The following BTAF1 variants were observed in gnomAD, a reference collection of about 807,000 sequenced individuals.
The protein encoded by BTAF1 is B-TFIID TATA-box binding protein associated factor 1, also known as TATA-binding protein-associated factor 172.
Under a neutral mutation model 227.1 loss-of-function variants are expected in BTAF1, and 38 were observed. The ratio of observed to expected loss-of-function variants is 0.17; its 90% confidence interval spans 0.13 to 0.22. The LOEUF (loss-of-function observed/expected upper bound fraction) is 0.22, where lower values mean the gene tolerates loss of function less well. BTAF1 is among the 10% of genes least tolerant of loss of function. The pLI is 1.00. For missense variants in BTAF1, 1,598 were observed against 2,204.0 expected, an observed-to-expected ratio of 0.73 and a Z score of 5.51; for synonymous variants, 742 against 751.9, an observed-to-expected ratio of 0.99 and a Z score of 0.21.
intron 4 of BTAF1, among the ~76,000 whole-genome samples, chr10:91,944,781 T>C (rs1845247652): frequency 1.3e-5 from 2 of 152,200 alleles, no homozygotes; most frequent in Non-Finnish European, 1.5e-5. Context: ...TAGATTTGCT[T>C]ATTCTCAACA....
At chr10:91,994,068 CT>C (rs1848983548) in intron 22 of BTAF1, among the ~76,000 whole-genome samples, 2 of 152,248 alleles carry the variant, frequency 1.3e-5, no homozygotes, top group African/African-American at 2.4e-5. Context: ...AATCCCAGCA[CT>C]TTGGGAGGCC....
chr10:91,972,274 C>T (rs999931190), intron 14 of BTAF1, among the ~76,000 whole-genome samples: 2 of 152,116 alleles, frequency 1.3e-5, no homozygotes, highest in Non-Finnish European at 2.9e-5. Flanking sequence ...ACTCTGGAGT[C>T]AAGAACATTT....
Position 91,959,790 on chromosome 10 carries a change from T to G in BTAF1, c.996T>G (p.Ile332Met). 22 of 1,507,918 alleles carry G rather than the reference T, an allele frequency of 1.5e-5. No individual in the cohort carries two copies. The highest frequency in any genetic ancestry group is 2.0e-5 in the Non-Finnish European group (22 of 1,112,042). 93.4% of individuals were successfully genotyped at this position (1,507,918 alleles called of 1,614,324 possible). A position where few individuals can be genotyped will look rare whatever the true frequency, so the allele number is the denominator to read the frequency against. ...TATATATTATATTTTAACAGATGAT[T>G]CAGCAGCATCAAGAGTGGTTGGAAG... is the stretch of plus-strand genomic sequence containing the variant. ...KMGDSTLEEM[I>M]QQHQEWLEDL... The change falls in exon 10 of 38, where the codon ATT (isoleucine) becomes ATG (methionine). Residue 332 changes from isoleucine (I) to methionine (M), a missense_variant. By Grantham distance (10) the Ile-to-Met change is conservative (BLOSUM62 1). Around this residue, in one of 10 missense-constraint regions of BTAF1, gnomAD observed 298 missense variants for 395.2 expected, o/e 0.75. Transcript: ENST00000265990.
intron 25 of BTAF1, among the ~76,000 whole-genome samples, chr10:92,005,662 C>A (rs1019353544): frequency 2.0e-5 from 3 of 152,058 alleles, no homozygotes; most frequent in African/African-American, 4.8e-5. Context: ...TTGAAGACAC[C>A]AAAGAGCTGT....
chr10:91,963,622 CTTA>C (rs1846680842), intron 12 of BTAF1, among the ~76,000 whole-genome samples: 2 of 152,174 alleles, frequency 1.3e-5, no homozygotes, highest in South Asian at 2.1e-4. Context: ...GACTTTCCAC[CTTA>C]TTATCAAAAT....
chr10:91,953,913 G>A, intron 6 of BTAF1, 40 bp downstream of exon 6: 5 of 1,605,988 alleles, frequency 3.1e-6, no homozygotes, highest in Non-Finnish European at 4.2e-6. Flanking sequence ...AAACAAGAGG[G>A]CTCTGTGGCT....
intron 25 of BTAF1, among the ~76,000 whole-genome samples, chr10:92,002,028 A>G (rs1469512394): frequency 1.3e-5 from 2 of 150,256 alleles, no homozygotes; most frequent in Non-Finnish European, 3.0e-5. Flanking sequence ...CATATATTCA[A>G]GGTAGAGGAG....
At position 92,024,744 on chromosome 10, in the gene BTAF1, T is replaced by C. The variant is rs146914700; in HGVS notation, c.4864-12T>C. 9.5e-5 allele frequency: 150 copies of C among 1,578,136 alleles called. 1 individual carries two copies. The African/African-American group carries it at 1.9e-3, about 20-fold the overall frequency. On this transcript the variant is annotated splice_polypyrimidine_tract_variant and intron_variant, in intron 34 of 37. Coordinates refer to ENST00000265990, the MANE Select transcript of BTAF1 (RefSeq NM_003972.3). ...GAACGCTTATGTAGTTTTTTTTTTT[T>C]TTCTTCCTAAGTTGCTGTTGGACTG...
rs141490858 is a variant in BTAF1 at position 91,994,562 on chromosome 10, A to T, written c.3227A>T (p.Asp1076Val). The stretch of plus-strand genomic sequence containing the variant: ...GGAAAATCCCTCCTGGATAAGGGAG[A>T]TAGCCCTGCTCAAGAATTGGTGAAT... ...FDGKSLLDKG[D>V]SPAQELVNSL... The change falls in exon 23 of 38, where the codon GAT (aspartate) becomes GTT (valine). Residue 1076 changes from aspartate (D) to valine (V), a missense_variant. Asp to Val is a radical substitution (Grantham distance 152). Coordinates refer to ENST00000265990, the MANE Select transcript of BTAF1 (RefSeq NM_003972.3). 3.1e-6 allele frequency: 5 copies of T among 1,613,668 alleles called. No homozygotes were observed. The African/African-American group carries it at 5.3e-5, about 17-fold the overall frequency.
chr10:91,925,169 T>A (rs889498268), intron 1 of BTAF1, among the ~76,000 whole-genome samples: 1 of 152,196 alleles, frequency 6.6e-6, no homozygotes, highest in Non-Finnish European at 1.5e-5. Context: ...GGTTGCTAGG[T>A]ACCGTAGTAT....
chr10:91,969,747 TCAGGCCAGGAGTTC>T (rs1252054212), intron 14 of BTAF1, among the ~76,000 whole-genome samples: 1 of 152,116 alleles, frequency 6.6e-6, no homozygotes, highest in Non-Finnish European at 1.5e-5. Flanking sequence ...GCGGATCACT[TCAGGCCAGGAGTTC>T]CAGACCAACG....
intron 25 of BTAF1, among the ~76,000 whole-genome samples, chr10:92,000,463 G>C (rs1375068147): frequency 6.6e-6 from 1 of 152,192 alleles, no homozygotes; most frequent in Admixed American, 6.5e-5. Context: ...AGAATTGAAA[G>C]TGCGCCAAAA....
chr10:91,945,839 A>G (rs1214756565), intron 4 of BTAF1, among the ~76,000 whole-genome samples: 1 of 152,250 alleles, frequency 6.6e-6, no homozygotes, highest in Non-Finnish European at 1.5e-5. Context: ...TTCTATTTTT[A>G]ATTTTTTGAG....
At chr10:92,028,759 AT>A (rs10622641) in intron 37 of BTAF1, 30 bp from the exon 38 acceptor site, 88,729 of 1,269,292 alleles carry the variant, frequency 0.07, no homozygotes, top group Middle Eastern at 0.086. Flanking sequence ...CTCTCATTTT[AT>A]TTTTTTTTTT....
rs1846629420 is a variant in BTAF1, at chr10:91,963,023, C to T, written c.1404+345C>T. On this transcript the variant is annotated intron_variant, in intron 12 of 37. Coordinates refer to ENST00000265990, the MANE Select transcript of BTAF1 (RefSeq NM_003972.3). ...TTTTAAATCTAGTCTCCCCTCCCCT[C>T]CCTGTCTCTCCTCTCCTCCTCTCAT... 3.3e-5 allele frequency among the ~76,000 whole-genome samples: 5 copies of T among 151,850 alleles called. No homozygotes were observed. The South Asian group carries it at 1.0e-3, about 32-fold the overall frequency.
intron 25 of BTAF1, among the ~76,000 whole-genome samples, chr10:91,999,558 C>T (rs555301897): frequency 1.3e-5 from 2 of 152,320 alleles, no homozygotes; most frequent in African/African-American, 4.8e-5. Flanking sequence ...CTGCGCCCTG[C>T]TAATTTTGTA....
At position 91,941,576 on chromosome 10, in the gene BTAF1, A is replaced by G. The variant is rs113125731; in HGVS notation, c.254-846A>G. On this transcript the variant is annotated intron_variant, in intron 3 of 37. Coordinates refer to ENST00000265990, the MANE Select transcript of BTAF1 (RefSeq NM_003972.3). ...GTTACCAGGAGATTCTTATTTGCCC[A>G]GAGTATGAGAACTGAGTCCTGTTGA... Among the ~76,000 whole-genome samples the G allele has an allele frequency of 1.2e-4, 18 of 152,334 alleles. No individual in the cohort carries two copies. The East Asian group carries it at 2.9e-3, about 24-fold the overall frequency.
chr10:92,007,210 CTTTTTTTTTT>C (rs969389265), intron 25 of BTAF1, among the ~76,000 whole-genome samples: 5 of 61,268 alleles, frequency 8.2e-5, no homozygotes, highest in East Asian at 4.7e-4. Flanking sequence ...TATTTTTTGT[CTTTTTTTTTT>C]TTTTTTTTTT....
rs548267270 is a variant in BTAF1, at chr10:91,959,992, T to G, written c.1101T>G (p.Val367=). The change falls in exon 11 of 38, where the codon GTT becomes GTG. Residue 367 remains valine (V), a synonymous_variant. Coordinates refer to ENST00000265990, the MANE Select transcript of BTAF1 (RefSeq NM_003972.3). ...TTCGTCTGTAGGTTGTGGCACCAGT[T>G]CGTGAAACTTGTGCTCAAACATTAG... The part of the protein sequence containing the change: ...DFVSDEVVAP[V]RETCAQTLGV... 189 of 1,609,864 alleles carry G rather than the reference T, an allele frequency of 1.2e-4. No homozygotes were observed. The highest frequency in any genetic ancestry group is 1.5e-4 in the Non-Finnish European group (179 of 1,177,968).
Sources: gnomAD v4.1 joint callset for allele counts (sites outside exome capture counted in the v4.1 genomes callset) on GRCh38, gnomAD v4.1.1 for gene constraint, gnomAD v4.1.1 regional missense constraint, MANE v1.5 for transcripts, NCBI Gene and HGNC (gene_info 2026-07-23, HGNC 2026-07-21) for gene names.